Variants in DNM1L observed in about 807,000 individuals in gnomAD.
The protein encoded by DNM1L is dynamin-1-like protein.
A neutral mutation model predicts 92.8 loss-of-function variants in DNM1L; 33 were observed. The ratio of observed to expected loss-of-function variants is 0.36; its 90% CI spans 0.27 to 0.48. The LOEUF is 0.48. Ranked by LOEUF, DNM1L falls within the 20% of genes least tolerant of loss-of-function variation. The pLI, the probability that DNM1L is intolerant of heterozygous loss-of-function variation, is 0.99. For missense variants in DNM1L, 485 were observed against 888.8 expected (o/e 0.55, Z 5.78); for synonymous variants, 284 against 305.0 (o/e 0.93, Z 0.72).
At chr12:32,732,327 G>A (rs1344458922) in intron 12 of DNM1L, among the ~76,000 whole-genome samples, 1 of 152,094 alleles carries the variant, frequency 6.6e-6, no homozygotes, top group Admixed American at 6.5e-5. Context: ...GAGGTACATC[G>A]GAGTAATCTG....
At position 32,745,281 on chromosome 12, in the gene DNM1L, G is replaced by A; in HGVS notation, c.*1871G>A. The A allele has an allele frequency of 9.4e-6, 2 of 212,478 alleles. No homozygotes were observed. The highest frequency in any genetic ancestry group is 6.8e-5 in the South Asian group (1 of 14,670). 13.2% of individuals were successfully genotyped at this position (212,478 alleles called of 1,614,324 possible). A position where few individuals can be genotyped will look rare whatever the true frequency, so the allele number is the denominator to read the frequency against. The stretch of plus-strand genomic sequence containing the variant: ...TTATTCTAGTCCTTTGAATTTGTAA[G>A]GGGAAAAAAAACAAAAACAAAAACT... On this transcript the variant is annotated 3_prime_UTR_variant, in exon 20 of 20. Transcript: ENST00000549701.
intron 6 of DNM1L, among the ~76,000 whole-genome samples, chr12:32,713,792 C>T (rs981453120): frequency 2.6e-5 from 4 of 151,896 alleles, no homozygotes; most frequent in Admixed American, 2.6e-4. Context: ...TCAGCCCGGG[C>T]AACATAGACT....
chr12:32,734,050 G>A (rs1220251337), intron 13 of DNM1L, among the ~76,000 whole-genome samples: 1 of 152,166 alleles, frequency 6.6e-6, no homozygotes, highest in Non-Finnish European at 1.5e-5. Flanking sequence ...TCATTGATTT[G>A]GTGTGACTGG....
In DNM1L at chr12:32,724,596, AT is replaced by A. The variant is rs1565526484; in HGVS notation, c.1079+1964del. On this transcript the variant is annotated intron_variant, in intron 9 of 19. Coordinates refer to ENST00000549701, the MANE Select transcript of DNM1L (RefSeq NM_012062.5). Reference sequence around the variant, plus strand: ...ATCTCCAAAAAAAAAAAAAAAAAATATATATATATATATATATATATATAAA... The same window carrying A: ...ATCTCCAAAAAAAAAAAAAAAAAATAATATATATATATATATATATATAAA... 7.3e-3 allele frequency among the ~76,000 whole-genome samples: 302 copies of A among 41,626 alleles called. 1 individual carries two copies. Among genetic ancestry groups the A allele is most frequent in the South Asian group, 0.02 (30 of 1,506 alleles). The allele number at this position is 41,626 out of a possible 152,430, so 27.3% of individuals were successfully genotyped here.
intron 6 of DNM1L, among the ~76,000 whole-genome samples, chr12:32,717,941 T>A (rs1953586809): frequency 1.1e-5 from 1 of 90,006 alleles, no homozygotes; most frequent in African/African-American, 4.9e-5. Flanking sequence ...TATATATATA[T>A]AAAATATAGT....
intron 16 of DNM1L, among the ~76,000 whole-genome samples, chr12:32,739,673 A>C (rs958521370): frequency 2.0e-5 from 3 of 152,244 alleles, no homozygotes; most frequent in Admixed American, 2.0e-4. Context: ...ATTACTTAAG[A>C]AATTAAACTG....
At chr12:32,720,452 G>A (rs193081880) in intron 7 of DNM1L, among the ~76,000 whole-genome samples, 65 of 152,332 alleles carry the variant, frequency 4.3e-4, no homozygotes, top group South Asian at 8.3e-4. Context: ...GGCTATGCCA[G>A]TTAGTGTGTG....
intron 4 of DNM1L, among the ~76,000 whole-genome samples, chr12:32,709,276 CTAATTA>C: frequency 6.6e-6 from 1 of 152,264 alleles, no homozygotes; most frequent in East Asian, 1.9e-4. Context: ...CGTCATTCCT[CTAATTA>C]TATCAGGGAT....
intron 14 of DNM1L, chr12:32,737,570 G>A (rs988373104): frequency 7.9e-5 from 34 of 428,794 alleles, no homozygotes; most frequent in Non-Finnish European, 1.4e-4. Flanking sequence ...ACTAAAGTGT[G>A]TATAAAAATC....
intron 9 of DNM1L, among the ~76,000 whole-genome samples, chr12:32,730,577 T>C (rs1315902205): frequency 6.6e-6 from 1 of 152,072 alleles, no homozygotes; most frequent in African/African-American, 2.4e-5. Flanking sequence ...AATGGTAGAG[T>C]TGAGTAGTTG....
At chr12:32,734,732 C>T (rs989315726) in intron 13 of DNM1L, among the ~76,000 whole-genome samples, 1 of 152,100 alleles carries the variant, frequency 6.6e-6, no homozygotes, top group Non-Finnish European at 1.5e-5. Context: ...CAACTTGAAC[C>T]CAGGAGGTGG....
chr12:32,702,573 C>T (rs1172318810), intron 2 of DNM1L, among the ~76,000 whole-genome samples: 1 of 152,068 alleles, frequency 6.6e-6, no homozygotes, highest in Non-Finnish European at 1.5e-5. Context: ...TTTTATTCTA[C>T]TTCTTATTCT....
At chr12:32,693,379 G>A (rs143664269) in intron 1 of DNM1L, among the ~76,000 whole-genome samples, 81 of 152,296 alleles carry the variant, frequency 5.3e-4, no homozygotes, top group Admixed American at 1.3e-3. Context: ...TTGGTTACCA[G>A]TTACTTATGG....
intron 2 of DNM1L, among the ~76,000 whole-genome samples, chr12:32,704,285 C>T (rs1329345787): frequency 6.6e-6 from 1 of 152,064 alleles, no homozygotes; most frequent in African/African-American, 2.4e-5. Flanking sequence ...CGCGGTGGCT[C>T]ACGCCTGTAA....
chr12:32,732,788 G>A (rs1027668095), intron 12 of DNM1L, among the ~76,000 whole-genome samples: 6 of 152,086 alleles, frequency 3.9e-5, no homozygotes, highest in Admixed American at 3.3e-4. Flanking sequence ...CATAATAAAG[G>A]GCTCAAGTTT....
chr12:32,704,466 C>T (rs1952840196), intron 2 of DNM1L, among the ~76,000 whole-genome samples: 1 of 151,460 alleles, frequency 6.6e-6, no homozygotes, highest in Non-Finnish European at 1.5e-5. Flanking sequence ...AGGAGAATCG[C>T]TTGAACCCGG....
At chr12:32,726,522 C>T in intron 9 of DNM1L, 2 of 1,071,934 alleles carry the variant, frequency 1.9e-6, no homozygotes, top group Non-Finnish European at 2.9e-6. Context: ...AGTAGCTTCT[C>T]CAGTAAACTA....
intron 13 of DNM1L, 30 bp downstream of exon 13, chr12:32,733,837 A>T: frequency 6.3e-7 from 1 of 1,585,372 alleles, no homozygotes; most frequent in South Asian, 1.1e-5. Flanking sequence ...GCTTTTTCAC[A>T]GGTAGAAAAA....
intron 1 of DNM1L, among the ~76,000 whole-genome samples, chr12:32,681,731 C>T (rs1410935572): frequency 6.6e-6 from 1 of 151,778 alleles, no homozygotes; most frequent in Non-Finnish European, 1.5e-5. Context: ...ATGTATACCT[C>T]ACATTTATAT....
Sources: gnomAD v4.1 joint callset for allele counts (sites outside exome capture counted in the v4.1 genomes callset) on GRCh38, gnomAD v4.1.1 for gene constraint, MANE v1.5 for transcripts, NCBI Gene and HGNC (gene_info 2026-07-23, HGNC 2026-07-21) for gene names.